DCDC2C: variants seen among roughly 807,000 people sequenced by gnomAD.
DCDC2C encodes doublecortin domain-containing protein 2C.
In DCDC2C, 44 loss-of-function variants were observed where a neutral mutation model predicts 45.0. The observed-to-expected ratio is 0.98, with a 90% CI of 0.77 to 1.26. The LOEUF is 1.26. DCDC2C is among the 50% of genes most tolerant of loss of function. DCDC2C has a pLI of 0.00. For missense variants in DCDC2C, 447 were observed against 468.9 expected (o/e 0.95, Z 0.43); for synonymous variants, 187 against 178.8 (o/e 1.05, Z -0.37).
intron 2 of DCDC2C, among the ~76,000 whole-genome samples, chr2:3,711,585 C>T (rs774883562): frequency 8.5e-5 from 13 of 152,180 alleles, no homozygotes; most frequent in Non-Finnish European, 1.6e-4. Flanking sequence ...AGTGAGTGCC[C>T]AGCAACCTAG....
intron 10 of DCDC2C, among the ~76,000 whole-genome samples, chr2:3,837,405 G>T (rs1672108530): frequency 6.6e-6 from 1 of 152,162 alleles, no homozygotes; most frequent in African/African-American, 2.4e-5. Context: ...CTGATCCAAA[G>T]AATGGAAGTA....
chr2:3,708,626 TAATG>T, intron 2 of DCDC2C, 26 bp downstream of exon 2: 1 of 1,525,546 alleles, frequency 6.6e-7, no homozygotes. Flanking sequence ...TAACAACTAA[TAATG>T]GAATAAATTG....
intron 8 of DCDC2C, among the ~76,000 whole-genome samples, chr2:3,769,670 A>T (rs2148155331): frequency 6.6e-6 from 1 of 152,290 alleles, no homozygotes; most frequent in Non-Finnish European, 1.5e-5. Flanking sequence ...CTTCATCATT[A>T]TTTGATGATT....
chr2:3,758,374 T>A (rs557586462), intron 6 of DCDC2C, among the ~76,000 whole-genome samples: 1 of 152,284 alleles, frequency 6.6e-6, no homozygotes, highest in South Asian at 2.1e-4. Context: ...GTGTGTGGGG[T>A]TGATTCTGTA....
At chr2:3,712,524 C>T (rs981854563) in intron 2 of DCDC2C, among the ~76,000 whole-genome samples, 1 of 151,200 alleles carries the variant, frequency 6.6e-6, no homozygotes, top group African/African-American at 2.4e-5. Flanking sequence ...GGCATGGTGG[C>T]ACGTGGGAAG....
chr2:3,812,740 A>G (rs1223900282), intron 10 of DCDC2C, among the ~76,000 whole-genome samples: 2 of 152,080 alleles, frequency 1.3e-5, no homozygotes, highest in African/African-American at 4.8e-5. Flanking sequence ...CCCTCTTAAC[A>G]CTGCTGTAGC....
intron 10 of DCDC2C, among the ~76,000 whole-genome samples, chr2:3,821,058 A>C (rs920183882): frequency 1.3e-5 from 2 of 152,150 alleles, no homozygotes; most frequent in Non-Finnish European, 2.9e-5. Flanking sequence ...AGAGTCAGCA[A>C]AGGGAGATAG....
intron 10 of DCDC2C, among the ~76,000 whole-genome samples, chr2:3,809,034 C>A (rs73146864): frequency 0.033 from 4,994 of 152,238 alleles, 280 homozygotes; most frequent in African/African-American, 0.11. Flanking sequence ...AAGTTACTTG[C>A]ATTTTTTATA....
intron 10 of DCDC2C, among the ~76,000 whole-genome samples, chr2:3,806,887 T>C (rs1671262252): frequency 6.6e-6 from 1 of 152,042 alleles, no homozygotes; most frequent in South Asian, 2.1e-4. Context: ...GCTTTCTGGG[T>C]AGGTGATGCT....
intron 9 of DCDC2C, among the ~76,000 whole-genome samples, chr2:3,781,264 C>CTGTA (rs1297424418): frequency 1.3e-5 from 2 of 152,262 alleles, no homozygotes; most frequent in Non-Finnish European, 2.9e-5. Context: ...TCTCAATGAA[C>CTGTA]TGTAGTTCAC....
rs1667951884 is a variant in DCDC2C at position 3,703,968 on chromosome 2, C to G, written c.217C>G (p.Leu73Val). 5 of 1,310,596 alleles carry G rather than the reference C, an allele frequency of 3.8e-6. No homozygotes were observed. The highest frequency in any genetic ancestry group is 4.9e-6 in the Non-Finnish European group (5 of 1,029,794). 81.2% of individuals were successfully genotyped at this position (1,310,596 alleles called of 1,614,324 possible). ...LFTPTRGHRVLGLDALQAGGK... is the reference protein window; with the variant it reads ...LFTPTRGHRVVGLDALQAGGK... Reference sequence around the variant, plus strand: ...CACGCCCACGCGTGGGCACCGGGTGCTGGGGCTGGACGCGCTGCAGGCGGG... The same window carrying G: ...CACGCCCACGCGTGGGCACCGGGTGGTGGGGCTGGACGCGCTGCAGGCGGG... Residue 73 changes from leucine (L) to valine (V), a missense_variant, in exon 1 of 11, where the codon CTG becomes GTG. By Grantham distance (32) the Leu-to-Val change is conservative. Coordinates refer to ENST00000399143, the MANE Select transcript of DCDC2C (RefSeq NM_001287444.2). This position sits in a 1 kb window ranked among gnomAD's most constrained non-coding sequence, Gnocchi z 4.4.
At chr2:3,750,913 T>A (rs1421124674) in intron 4 of DCDC2C, among the ~76,000 whole-genome samples, 3 of 152,200 alleles carry the variant, frequency 2.0e-5, no homozygotes, top group Non-Finnish European at 4.4e-5. Flanking sequence ...CCTGTTTCTT[T>A]CTTCCTCCCT....
In DCDC2C at chr2:3,784,983, G is replaced by A. The variant is rs536353425; in HGVS notation, c.1024-76G>A. The A allele has an allele frequency of 6.6e-6, 7 of 1,068,550 alleles. No individual in the cohort carries two copies. The African/African-American group carries it at 1.1e-4, about 17-fold the overall frequency. 66.2% of individuals were successfully genotyped at this position (1,068,550 alleles called of 1,614,324 possible). ...GACCTCCCTGAGAGGCAGAGTAGAGGTGGGGGAGATTAAGGATTTATTTTA... is the reference window on the plus strand; with the variant it reads ...GACCTCCCTGAGAGGCAGAGTAGAGATGGGGGAGATTAAGGATTTATTTTA... On this transcript the variant is annotated intron_variant, in intron 9 of 10. Transcript: ENST00000399143.
chr2:3,768,070 CT>C (rs1398160262), intron 7 of DCDC2C, among the ~76,000 whole-genome samples, 190 bp downstream of exon 7: 2 of 151,886 alleles, frequency 1.3e-5, no homozygotes, highest in African/African-American at 4.8e-5. Context: ...AAACATTTCA[CT>C]GCTGAAGGCA....
intron 4 of DCDC2C, among the ~76,000 whole-genome samples, chr2:3,752,189 G>A (rs1282527400): frequency 6.6e-6 from 1 of 152,104 alleles, no homozygotes; most frequent in Non-Finnish European, 1.5e-5. Context: ...CTGACTTTGG[G>A]GAGGCAGAGA....
chr2:3,834,729 G>T (rs1672033465), intron 10 of DCDC2C, among the ~76,000 whole-genome samples: 1 of 152,170 alleles, frequency 6.6e-6, no homozygotes, highest in African/African-American at 2.4e-5. Flanking sequence ...GTGACTAGTT[G>T]CCGGGGCTGG....
intron 3 of DCDC2C, among the ~76,000 whole-genome samples, chr2:3,728,359 G>C (rs1227975359): frequency 6.6e-6 from 1 of 152,186 alleles, no homozygotes; most frequent in African/African-American, 2.4e-5. Context: ...ATGTACCTAA[G>C]AGCTGTTTTG....
intron 10 of DCDC2C, among the ~76,000 whole-genome samples, chr2:3,792,894 T>C (rs1670857076): frequency 6.6e-6 from 1 of 152,240 alleles, no homozygotes; most frequent in African/African-American, 2.4e-5. Flanking sequence ...GGGGCCTTTT[T>C]TCTTCATATC....
At chr2:3,762,213 A>G (rs1019175117) in intron 6 of DCDC2C, among the ~76,000 whole-genome samples, 1 of 136,202 alleles carries the variant, frequency 7.3e-6, no homozygotes, top group Non-Finnish European at 1.5e-5. Context: ...TTGTTCTGAC[A>G]AAAGCCACCT....
Sources: gnomAD v4.1 joint callset for allele counts (sites outside exome capture counted in the v4.1 genomes callset) on GRCh38, gnomAD v4.1.1 for gene constraint, Gnocchi (gnomAD v3.1) non-coding constraint, MANE v1.5 for transcripts, NCBI Gene and HGNC (gene_info 2026-07-23, HGNC 2026-07-21) for gene names.